The following VPS54 variants were observed in gnomAD, a reference collection of about 807,000 sequenced individuals.
The protein encoded by VPS54 is vacuolar protein sorting-associated protein 54.
In VPS54, 45 loss-of-function variants were observed where a neutral mutation model predicts 121.5. That is an observed-to-expected ratio of 0.37 (90% CI 0.29 to 0.47). The LOEUF is 0.47. Among genes scored for constraint, VPS54 ranks in the 20% least tolerant of loss-of-function variants. The pLI is 0.99. For synonymous variants in VPS54, 371 were observed against 385.8 expected, an observed-to-expected ratio of 0.96 and a Z score of 0.45; for missense variants, 1,090 against 1,131.4, an observed-to-expected ratio of 0.96 and a Z score of 0.52.
intron 22 of VPS54, among the ~76,000 whole-genome samples, chr2:63,896,336 A>C (rs1235316888): frequency 6.6e-6 from 1 of 152,156 alleles, no homozygotes; most frequent in Non-Finnish European, 1.5e-5. Context: ...GTTGTTTGTC[A>C]AAAGGGAGGT....
At chr2:64,013,547 AT>A (rs1447871622) in intron 1 of VPS54, among the ~76,000 whole-genome samples, 14 of 126,822 alleles carry the variant, frequency 1.1e-4, no homozygotes, top group African/African-American at 5.1e-4. Flanking sequence ...GTAAATGCTG[AT>A]ATATATATAT....
At chr2:64,017,733 T>C (rs1678775292) in intron 1 of VPS54, among the ~76,000 whole-genome samples, 1 of 152,242 alleles carries the variant, frequency 6.6e-6, no homozygotes, top group African/African-American at 2.4e-5. Flanking sequence ...ATTGGTAGTG[T>C]AATAATTCTT....
At chr2:63,978,038 A>G (rs1003350523) in intron 3 of VPS54, among the ~76,000 whole-genome samples, 6 of 152,164 alleles carry the variant, frequency 3.9e-5, no homozygotes, top group African/African-American at 1.4e-4. Flanking sequence ...TGTGGTGGTA[A>G]TGCGTGAAGG....
chr2:63,895,595 G>C (rs1672413696), intron 22 of VPS54, among the ~76,000 whole-genome samples: 1 of 152,190 alleles, frequency 6.6e-6, no homozygotes, highest in East Asian at 1.9e-4. Flanking sequence ...AAGACACTAA[G>C]TGCCACTGAA....
chr2:63,921,435 A>C, intron 12 of VPS54, 100 bp from the exon 13 acceptor site: 2 of 1,318,784 alleles, frequency 1.5e-6, no homozygotes, highest in Non-Finnish European at 2.1e-6. Flanking sequence ...TGTAAAATTC[A>C]CATTTGAAGA....
intron 1 of VPS54, among the ~76,000 whole-genome samples, chr2:64,018,297 T>C (rs1678804565): frequency 1.3e-5 from 2 of 152,126 alleles, no homozygotes; most frequent in Non-Finnish European, 2.9e-5. Context: ...AAAAATACCA[T>C]CTTGAACTCA....
At chr2:63,925,474 G>A (rs1381309542) in intron 12 of VPS54, among the ~76,000 whole-genome samples, 1 of 152,226 alleles carries the variant, frequency 6.6e-6, no homozygotes, top group African/African-American at 2.4e-5. Context: ...TTAGGCATTA[G>A]CTAAATTGAC....
chr2:63,944,720 T>C, intron 9 of VPS54, 65 bp from the exon 10 acceptor site: 3 of 1,400,746 alleles, frequency 2.1e-6, no homozygotes, highest in South Asian at 1.2e-5. Context: ...AAGTATTCCA[T>C]GTTCCATTTG....
chr2:63,895,204 C>T (rs1655127858), intron 22 of VPS54, among the ~76,000 whole-genome samples: 1 of 151,972 alleles, frequency 6.6e-6, no homozygotes, highest in Non-Finnish European at 1.5e-5. Flanking sequence ...ACCTATAATC[C>T]CAGCACTTTG....
intron 1 of VPS54, among the ~76,000 whole-genome samples, chr2:63,991,168 G>A (rs1481593058): frequency 6.6e-6 from 1 of 152,122 alleles, no homozygotes; most frequent in Non-Finnish European, 1.5e-5. Flanking sequence ...GAGAGCTTGG[G>A]ATAAATTATG....
intron 3 of VPS54, among the ~76,000 whole-genome samples, chr2:63,973,377 A>G (rs1030439955): frequency 3.3e-5 from 5 of 152,232 alleles, no homozygotes. Flanking sequence ...AAAAATACAT[A>G]TAACATAAAA....
chr2:64,002,768 C>T (rs1439809695), intron 1 of VPS54, among the ~76,000 whole-genome samples: 3 of 152,172 alleles, frequency 2.0e-5, no homozygotes, highest in Non-Finnish European at 4.4e-5. Context: ...TCCTATACCA[C>T]TCTTAATTCT....
At chr2:63,906,049 T>G (rs1672890913) in intron 20 of VPS54, among the ~76,000 whole-genome samples, 1 of 152,120 alleles carries the variant, frequency 6.6e-6, no homozygotes, top group African/African-American at 2.4e-5. Flanking sequence ...GATAAAGGCC[T>G]CTTAAAAAAA....
chr2:63,942,031 CAAA>C (rs34766515), intron 11 of VPS54, among the ~76,000 whole-genome samples: 2 of 77,076 alleles, frequency 2.6e-5, no homozygotes, highest in Admixed American at 1.5e-4. Context: ...GACTCCACCT[CAAA>C]AAAAAAAAAA....
chr2:63,948,784 T>C (rs1385367123), intron 8 of VPS54, among the ~76,000 whole-genome samples: 1 of 152,218 alleles, frequency 6.6e-6, no homozygotes, highest in Non-Finnish European at 1.5e-5. Flanking sequence ...ATATCTGTAT[T>C]TTTAACTTGG....
chr2:63,985,422 T>C (rs773667716), intron 1 of VPS54, among the ~76,000 whole-genome samples: 3 of 152,154 alleles, frequency 2.0e-5, no homozygotes, highest in Non-Finnish European at 4.4e-5. Flanking sequence ...GCTGGAAAAC[T>C]AAAAATATGT....
At chr2:63,936,896 A>G (rs1674480558) in intron 11 of VPS54, among the ~76,000 whole-genome samples, 1 of 152,202 alleles carries the variant, frequency 6.6e-6, no homozygotes, top group Non-Finnish European at 1.5e-5. Flanking sequence ...CATTCAATGC[A>G]GAAAGGTCAG....
chr2:63,913,487 T>C (rs553332391), intron 17 of VPS54, among the ~76,000 whole-genome samples, 177 bp from the exon 18 acceptor site: 1 of 152,284 alleles, frequency 6.6e-6, no homozygotes, highest in South Asian at 2.1e-4. Flanking sequence ...GAAGGGGAGA[T>C]TCTAAATGAT....
chr2:63,914,502 G>T (rs1180708927), intron 16 of VPS54, among the ~76,000 whole-genome samples: 1 of 152,108 alleles, frequency 6.6e-6, no homozygotes, highest in Non-Finnish European at 1.5e-5. Context: ...ATTTAAAGAG[G>T]CTCTTACTCT....
Sources: gnomAD v4.1 joint callset for allele counts (sites outside exome capture counted in the v4.1 genomes callset) on GRCh38, gnomAD v4.1.1 for gene constraint, MANE v1.5 for transcripts, NCBI Gene and HGNC (gene_info 2026-07-23, HGNC 2026-07-21) for gene names.